Variants in PLA1A observed in about 807,000 individuals in gnomAD.
The protein encoded by PLA1A is phospholipase A1 member A, also known as phosphatidylserine-specific phospholipase A1alpha.
A neutral mutation model predicts 49.4 loss-of-function variants in PLA1A; 47 were observed. That is an observed-to-expected ratio of 0.95 (90% confidence interval 0.75 to 1.21). The LOEUF (loss-of-function observed/expected upper bound fraction) is 1.21. Ranked by LOEUF, PLA1A falls within the 50% of genes most tolerant of loss-of-function variation. The pLI is 0.00. For missense variants in PLA1A, 561 were observed against 563.9 expected, an observed-to-expected ratio of 0.99 and a Z score of 0.05; for synonymous variants, 224 against 207.9, an observed-to-expected ratio of 1.08 and a Z score of -0.67.
intron 5 of PLA1A, 40 bp downstream of exon 5, chr3:119,613,158 C>A: frequency 7.3e-7 from 1 of 1,366,956 alleles, no homozygotes; most frequent in Non-Finnish European, 1.0e-6. Flanking sequence ...GGAATGAGCT[C>A]AAGGCAGCGC....
At chr3:119,618,728 G>A (rs930160118) in intron 7 of PLA1A, among the ~76,000 whole-genome samples, 9 of 152,088 alleles carry the variant, frequency 5.9e-5, no homozygotes, top group Non-Finnish European at 8.8e-5. Context: ...ACTCACTTGT[G>A]TAGATCATTG....
intron 4 of PLA1A, 59 bp from the exon 5 acceptor site, chr3:119,612,958 C>G (rs1188702433): frequency 1.8e-6 from 2 of 1,100,244 alleles, no homozygotes; most frequent in Admixed American, 4.2e-5. Flanking sequence ...TGTGGTGGGT[C>G]CATGAATGTT....
intron 6 of PLA1A, 84 bp downstream of exon 6, chr3:119,616,185 G>A (rs2107791248): frequency 1.3e-6 from 1 of 790,136 alleles, no homozygotes; most frequent in Non-Finnish European, 2.2e-6. Flanking sequence ...CAGCCAGAGT[G>A]GGCCATAGAG....
intron 4 of PLA1A, among the ~76,000 whole-genome samples, chr3:119,611,090 T>G (rs576778963): frequency 1.3e-5 from 2 of 152,332 alleles, no homozygotes; most frequent in Admixed American, 1.3e-4. Flanking sequence ...AAAAAAGTGT[T>G]AATTTTTGTC....
intron 4 of PLA1A, among the ~76,000 whole-genome samples, chr3:119,610,450 T>C (rs2082750259): frequency 6.6e-6 from 1 of 152,230 alleles, no homozygotes; most frequent in African/African-American, 2.4e-5. Flanking sequence ...CAACAGTGTA[T>C]AAGTATTCCC....
chr3:119,623,575 G>T (rs1175860042), intron 8 of PLA1A, among the ~76,000 whole-genome samples: 1 of 152,172 alleles, frequency 6.6e-6, no homozygotes, highest in African/African-American at 2.4e-5. Flanking sequence ...TGCTGCTCAA[G>T]GGAGAGTCTG....
chr3:119,614,788 C>T lies in PLA1A; in HGVS notation c.665-1224C>T, dbSNP rs573913695. ...TATTCAATCAATATTTATTAAGCTA[C>T]GTGGCAGGTACTGAGAATATGGCAG... On this transcript the variant is annotated intron_variant, in intron 5 of 10. Coordinates refer to ENST00000273371, the MANE Select transcript of PLA1A (RefSeq NM_015900.4). Among the ~76,000 whole-genome samples the T allele has an allele frequency of 2.4e-4, 36 of 152,070 alleles. No individual in the cohort carries two copies. In the South Asian group the frequency reaches 7.3e-3, roughly 31 times the overall value.
intron 9 of PLA1A, among the ~76,000 whole-genome samples, chr3:119,625,649 A>C (rs77266339): frequency 0.022 from 3,334 of 152,344 alleles, 54 homozygotes; most frequent in Middle Eastern, 0.065. Context: ...AAAGGAGAGC[A>C]GTTCTGGGTC....
chr3:119,608,220 A>AGAGAG (rs1560078749), intron 2 of PLA1A, among the ~76,000 whole-genome samples: 890 of 80,682 alleles, frequency 0.011, 7 homozygotes, highest in East Asian at 0.074. Context: ...GAAAGAAAGA[A>AGAGAG]AGAAAGAGAG....
chr3:119,607,652 C>T (rs1324562406), intron 2 of PLA1A, among the ~76,000 whole-genome samples: 12 of 152,176 alleles, frequency 7.9e-5, no homozygotes, highest in East Asian at 1.9e-4. Context: ...GGCCTGTCTC[C>T]GCCTCTCAGG....
intron 1 of PLA1A, 34 bp downstream of exon 1, chr3:119,598,020 T>C (rs774713340): frequency 3.7e-6 from 5 of 1,351,000 alleles, no homozygotes; most frequent in Admixed American, 3.7e-5. Context: ...GAGGAACTTA[T>C]TTCAGTCAGT....
chr3:119,622,149 G>GGAAGAAGAAGAAGAA (rs59447645), intron 8 of PLA1A, among the ~76,000 whole-genome samples: 201 of 126,278 alleles, frequency 1.6e-3, no homozygotes, highest in Admixed American at 2.3e-3. Context: ...AGGAGGAGGA[G>GGAAGAAGAAGAAGAA]GAAGAAGAAG....
At chr3:119,607,322 T>A (rs1057009093) in intron 2 of PLA1A, among the ~76,000 whole-genome samples, 1 of 152,222 alleles carries the variant, frequency 6.6e-6, no homozygotes, top group African/African-American at 2.4e-5. Flanking sequence ...CTTCCATTTA[T>A]GGGTGCTACT....
At chr3:119,615,481 T>C (rs2082832995) in intron 5 of PLA1A, among the ~76,000 whole-genome samples, 1 of 152,210 alleles carries the variant, frequency 6.6e-6, no homozygotes. Flanking sequence ...TTACAGGATA[T>C]TGTTCTTGAT....
intron 1 of PLA1A, among the ~76,000 whole-genome samples, chr3:119,602,305 G>A (rs1171850482): frequency 1.3e-5 from 2 of 152,182 alleles, no homozygotes; most frequent in Non-Finnish European, 2.9e-5. Flanking sequence ...TTTGAAACTA[G>A]TGTTTCAATT....
At chr3:119,609,749 G>A (rs1473206707) in intron 4 of PLA1A, among the ~76,000 whole-genome samples, 173 bp downstream of exon 4, 1 of 152,132 alleles carries the variant, frequency 6.6e-6, no homozygotes, top group Admixed American at 6.5e-5. Flanking sequence ...ATGGTATTGT[G>A]TTATTATTGC....
At chr3:119,604,298 T>C (rs113428400) in intron 1 of PLA1A, among the ~76,000 whole-genome samples, 1 of 152,190 alleles carries the variant, frequency 6.6e-6, no homozygotes, top group African/African-American at 2.4e-5. Flanking sequence ...AAGAGATATC[T>C]GCACTCTCAC....
chr3:119,625,167 C>T lies in PLA1A; in HGVS notation c.1056C>T (p.Asn352=), dbSNP rs944036829. The T allele has an allele frequency of 6.2e-7, 1 of 1,613,822 alleles. No homozygotes were observed. Among genetic ancestry groups the T allele is most frequent in the South Asian group, 1.1e-5 (1 of 91,070 alleles). ...LVEFHLKELR[N]KDTNIEVTFL... ...AGTTTCACTTGAAGGAACTGAGAAACAAGGACACCAACATCGAGGTTACCT... is the reference window on the plus strand; with the variant it reads ...AGTTTCACTTGAAGGAACTGAGAAATAAGGACACCAACATCGAGGTTACCT... The change falls in exon 9 of 11, where the codon AAC becomes AAT. Residue 352 remains asparagine, a synonymous_variant. Coordinates refer to ENST00000273371, the MANE Select transcript of PLA1A (RefSeq NM_015900.4).
intron 1 of PLA1A, among the ~76,000 whole-genome samples, chr3:119,604,795 T>C (rs996203621): frequency 7.2e-5 from 11 of 152,360 alleles, no homozygotes; most frequent in African/African-American, 2.6e-4. Flanking sequence ...GGAGTTTCTC[T>C]TTGTAATGGG....
Sources: allele counts gnomAD v4.1 joint callset (sites outside exome capture counted in the v4.1 genomes callset), GRCh38; gene constraint gnomAD v4.1.1; transcripts MANE v1.5; gene names NCBI Gene and HGNC (gene_info 2026-07-23, HGNC 2026-07-21).